KLK8: variants seen among roughly 807,000 people sequenced by gnomAD.
KLK8 encodes kallikrein related peptidase 8.
In KLK8, 18 loss-of-function variants were observed where a neutral mutation model predicts 26.7. That is an observed-to-expected ratio of 0.67 (90% confidence interval 0.47 to 1.00). KLK8 has a LOEUF of 1.00. Ranked by LOEUF, KLK8 falls within the 50% of genes least tolerant of loss-of-function variation. The pLI is 0.00. For missense variants in KLK8, 301 were observed against 331.7 expected (o/e 0.91, Z 0.72); for synonymous variants, 137 against 127.1 (o/e 1.08, Z -0.52).
intron 3 of KLK8, 95 bp from the exon 3 acceptor site, chr19:51,000,678 C>G: frequency 6.4e-7 from 1 of 1,572,716 alleles, no homozygotes; most frequent in Non-Finnish European, 8.7e-7. Context: ...ACGGCAAGTT[C>G]TCCGCATACA....
chr19:51,001,269 CTG>C, intron 2 of KLK8, 94 bp from the exon 2 acceptor site: 1 of 1,063,596 alleles, frequency 9.4e-7, no homozygotes, highest in South Asian at 1.4e-5. Flanking sequence ...CCGAGAGTAT[CTG>C]GGGCTGTTCT....
intron 2 of KLK8, 131 bp from the exon 2 acceptor site, chr19:51,001,306 G>T: frequency 1.4e-6 from 1 of 719,084 alleles, no homozygotes; most frequent in South Asian, 1.7e-5. Flanking sequence ...GAAGGAGGAG[G>T]CTGGGGGACT....
chr19:50,996,883 G>T (rs2091174009), intron 6 of KLK8, among the ~76,000 whole-genome samples: 1 of 141,440 alleles, frequency 7.1e-6, no homozygotes, highest in African/African-American at 2.7e-5. Context: ...AAAGGATCAA[G>T]ATTCTTATGG....
At chr19:51,001,325 A>G (rs2091224605) in intron 2 of KLK8, 150 bp from the exon 2 acceptor site, 1 of 656,558 alleles carries the variant, frequency 1.5e-6, no homozygotes, top group Non-Finnish European at 2.7e-6. Context: ...CTGGATTCCT[A>G]CATTCCAAGG....
chr19:51,000,495 G>T lies in KLK8; in HGVS notation c.159C>A (p.Gly53=), dbSNP rs142725813. 3.7e-4 allele frequency: 596 copies of T among 1,614,016 alleles called. No individual in the cohort carries two copies. In the African/African-American group the frequency reaches 7.5e-3, roughly 20 times the overall value. Residue 53 remains glycine (G), a synonymous_variant, in exon 4 of 7, where the codon GGC becomes GGA. Coordinates refer to ENST00000600767, the Ensembl canonical transcript of KLK8. The stretch of plus-strand genomic sequence containing the variant: ...GGACACCGCCACAGAGTAGTTGCTG[G>T]CCCTGGAACAAGGCCGCCTGCCAAG...
intron 6 of KLK8, 61 bp from the exon 6 acceptor site, chr19:50,996,275 C>G: frequency 6.4e-7 from 1 of 1,571,058 alleles, no homozygotes; most frequent in Admixed American, 1.7e-5. Context: ...CCTTTTCCTG[C>G]TGTCCCAGCG....
At chr19:50,997,428 C>G (rs933898421) in intron 6 of KLK8, among the ~76,000 whole-genome samples, 1 of 152,284 alleles carries the variant, frequency 6.6e-6, no homozygotes, top group South Asian at 2.1e-4. Context: ...GGCAACTCGT[C>G]TAAACTCTAG....
rs1568554324 is a variant in KLK8, at chr19:50,996,923, CACACACACACACA to C, written c.628-722_628-710del. Among the ~76,000 whole-genome samples the C allele has an allele frequency of 1.8e-4, 28 of 151,430 alleles. 1 individual carries two copies. The highest frequency in any genetic ancestry group is 1.4e-3 in the Admixed American group (22 of 15,190). ...ACACACACACACACACACACACACA[CACACACACACACA>C]CACCATATCCCCAAGAGACCATGGC... On this transcript the variant is annotated intron_variant, in intron 6 of 6. Transcript: ENST00000600767.
chr19:50,999,870 A>C, intron 5 of KLK8, 126 bp downstream of exon 4: 1 of 1,014,406 alleles, frequency 9.9e-7, no homozygotes, highest in Non-Finnish European at 1.4e-6. Flanking sequence ...CTGCTTGTGA[A>C]TCTCAACATC....
chr19:51,001,305 G>A, intron 2 of KLK8, 130 bp from the exon 2 acceptor site: 1 of 725,998 alleles, frequency 1.4e-6, no homozygotes. Context: ...GGAAGGAGGA[G>A]GCTGGGGGAC....
At chr19:50,999,934 C>T in intron 5 of KLK8, 62 bp downstream of exon 4, 1 of 1,513,308 alleles carries the variant, frequency 6.6e-7, no homozygotes, top group Non-Finnish European at 8.9e-7. Flanking sequence ...TTGCCAATAG[C>T]TTGGGTTCCA....
chr19:51,001,197 G>T (rs2091222313), intron 2 of KLK8, 22 bp from the exon 2 acceptor site: 2 of 1,602,696 alleles, frequency 1.2e-6, no homozygotes, highest in African/African-American at 1.3e-5. Context: ...AGAGGGCGGG[G>T]CCGGTAAACA....
At chr19:50,997,646 A>G in intron 6 of KLK8, 105 bp downstream of exon 5, 1 of 1,354,278 alleles carries the variant, frequency 7.4e-7, no homozygotes, top group Non-Finnish European at 1.0e-6. Context: ...TCCGGGTGCC[A>G]AGTCTTTGGG....
intron 3 of KLK8, 86 bp downstream of exon 2, chr19:51,001,011 TA>T: frequency 7.9e-7 from 1 of 1,260,676 alleles, no homozygotes; most frequent in Admixed American, 2.0e-5. Context: ...CGCACCCACA[TA>T]ACCCCCGCGG....
exon 4 of KLK8, chr19:51,000,482 A>C: frequency 6.2e-7 from 1 of 1,613,982 alleles, no homozygotes; most frequent in Non-Finnish European, 8.5e-7. Context: ...ACACCGCCAC[A>C]GAGTAGTTGC....
At chr19:50,998,099 C>T (rs2091187311) in intron 5 of KLK8, 1 of 550,402 alleles carries the variant, frequency 1.8e-6, no homozygotes. Context: ...AGAGAGGGGC[C>T]CTTGGATCTC....
At chr19:51,001,158 G>A in exon 3 of KLK8, 1 of 1,613,170 alleles carries the variant, frequency 6.2e-7, no homozygotes, top group Non-Finnish European at 8.5e-7. Context: ...CGAGGTCGGG[G>A]GCGTCCCATG....
At chr19:50,999,520 A>G (rs2091199713) in intron 5 of KLK8, among the ~76,000 whole-genome samples, 1 of 136,460 alleles carries the variant, frequency 7.3e-6, no homozygotes, top group Non-Finnish European at 1.5e-5. Flanking sequence ...CAGAGATTGT[A>G]GTGAGCTGAG....
Position 51,000,148 on chromosome 19 carries a change from A to T in KLK8, c.341T>A (p.Val114Glu), listed in dbSNP as rs185399198. The change falls in exon 5 of 7, where the codon GTG becomes GAG. Residue 114 changes from valine to glutamate, a missense_variant. Physicochemically the swap from Val to Glu is moderately radical, Grantham distance 121. Transcript: ENST00000600767. ...CATCAGATCATGGTTGTGGTCCTCC[A>T]CATCGCTGCTGTTGTAGCAGGGGTG... 36 of 1,613,910 alleles carry T rather than the reference A, an allele frequency of 2.2e-5. No homozygotes were observed. In the South Asian group the frequency reaches 3.3e-4, roughly 15 times the overall value.
Sources: allele counts gnomAD v4.1 joint callset (sites outside exome capture counted in the v4.1 genomes callset), GRCh38; gene constraint gnomAD v4.1.1; transcripts MANE v1.5; gene names NCBI Gene and HGNC (gene_info 2026-07-23, HGNC 2026-07-21).